Variants in AGBL4 observed in about 807,000 individuals in gnomAD.
AGBL4 encodes AGBL carboxypeptidase 4, also known as cytosolic carboxypeptidase 6.
A neutral mutation model predicts 66.4 loss-of-function variants in AGBL4; 58 were observed. The ratio of observed to expected loss-of-function variants is 0.87; its 90% CI spans 0.71 to 1.09. AGBL4 has a LOEUF of 1.09. Ranked by LOEUF, AGBL4 falls within the 50% of genes least tolerant of loss-of-function variation. The probability of loss-of-function intolerance (pLI) is 0.00; values close to 1 mark genes in which losing one functional copy is unlikely to be tolerated. For missense variants in AGBL4, 579 were observed against 631.0 expected (o/e 0.92, Z 0.88); for synonymous variants, 234 against 222.9 (o/e 1.05, Z -0.44).
At chr1:48,668,192 A>C (rs1482781410) in intron 6 of AGBL4, among the ~76,000 whole-genome samples, 2 of 152,124 alleles carry the variant, frequency 1.3e-5, no homozygotes, top group East Asian at 3.9e-4. Context: ...AGCTGGAGAA[A>C]CAAGACATCG....
At chr1:48,925,283 A>G (rs779168590) in intron 5 of AGBL4, among the ~76,000 whole-genome samples, 12 of 152,082 alleles carry the variant, frequency 7.9e-5, no homozygotes, top group Non-Finnish European at 1.5e-4. Context: ...TTAAAATAGC[A>G]TAGTATTTTG....
intron 1 of AGBL4, among the ~76,000 whole-genome samples, chr1:49,930,902 C>A (rs963311980): frequency 6.6e-6 from 1 of 152,028 alleles, no homozygotes; most frequent in Non-Finnish European, 1.5e-5. Flanking sequence ...GAAATTTGAG[C>A]CAGGTAAATG....
chr1:49,768,910 G>A (rs1369492787), intron 2 of AGBL4, among the ~76,000 whole-genome samples: 2 of 151,622 alleles, frequency 1.3e-5, no homozygotes, highest in African/African-American at 2.4e-5. Flanking sequence ...GTGCAGTGGC[G>A]CGATCTTGGC....
intron 3 of AGBL4, among the ~76,000 whole-genome samples, chr1:49,539,940 G>C (rs1300956636): frequency 6.6e-6 from 1 of 152,134 alleles, no homozygotes; most frequent in African/African-American, 2.4e-5. Context: ...TGTTCATATG[G>C]GGCTCAGAGG....
chr1:49,378,396 G>A (rs1352730263), intron 3 of AGBL4, among the ~76,000 whole-genome samples: 2 of 151,936 alleles, frequency 1.3e-5, no homozygotes, highest in African/African-American at 4.8e-5. Context: ...ATAAATAATA[G>A]TGTCTACCTC....
intron 3 of AGBL4, among the ~76,000 whole-genome samples, chr1:49,559,920 C>G (rs909828733): frequency 9.2e-5 from 14 of 152,110 alleles, no homozygotes; most frequent in Admixed American, 8.5e-4. Context: ...TACATGTATC[C>G]TATTACTTCT....
intron 3 of AGBL4, among the ~76,000 whole-genome samples, chr1:49,413,869 G>T (rs1645371521): frequency 6.6e-6 from 1 of 152,076 alleles, no homozygotes; most frequent in Non-Finnish European, 1.5e-5. Context: ...TCTGTAACAG[G>T]TCATTTTATC....
chr1:48,836,622 A>T (rs1225204777), intron 6 of AGBL4, among the ~76,000 whole-genome samples: 1 of 152,124 alleles, frequency 6.6e-6, no homozygotes, highest in Non-Finnish European at 1.5e-5. Context: ...CAAGAAAACC[A>T]ATAACAAAAA....
At chr1:49,321,361 T>C (rs1182963404) in intron 3 of AGBL4, among the ~76,000 whole-genome samples, 4 of 152,146 alleles carry the variant, frequency 2.6e-5, no homozygotes, top group African/African-American at 9.7e-5. Flanking sequence ...CAGACAACCA[T>C]AAATTAAAAC....
At chr1:48,878,209 A>G (rs1029947763) in intron 5 of AGBL4, among the ~76,000 whole-genome samples, 2 of 152,162 alleles carry the variant, frequency 1.3e-5, no homozygotes, top group African/African-American at 4.8e-5. Context: ...GTTCAATAAC[A>G]TCTTTTTTGG....
At chr1:48,770,898 T>C (rs1448242693) in intron 6 of AGBL4, among the ~76,000 whole-genome samples, 1 of 152,230 alleles carries the variant, frequency 6.6e-6, no homozygotes, top group East Asian at 1.9e-4. Flanking sequence ...TGGACTGAAC[T>C]GACTCATATT....
At chr1:49,573,122 A>G (rs896914476) in intron 3 of AGBL4, among the ~76,000 whole-genome samples, 18 of 148,804 alleles carry the variant, frequency 1.2e-4, no homozygotes, top group African/African-American at 1.5e-4. Context: ...TCATATATAT[A>G]TATGTGTGTC....
At chr1:49,882,880 G>A (rs1286877409) in intron 1 of AGBL4, among the ~76,000 whole-genome samples, 1 of 152,126 alleles carries the variant, frequency 6.6e-6, no homozygotes, top group Non-Finnish European at 1.5e-5. Flanking sequence ...CATTTGGTTG[G>A]TGGAGATTAG....
chr1:49,104,244 A>C (rs768987318), intron 4 of AGBL4, among the ~76,000 whole-genome samples: 1 of 152,132 alleles, frequency 6.6e-6, no homozygotes, highest in Non-Finnish European at 1.5e-5. Context: ...TTGTGTCTCC[A>C]TATCACCCTG....
chr1:48,894,926 A>C (rs1399527496), intron 5 of AGBL4, among the ~76,000 whole-genome samples: 2 of 152,224 alleles, frequency 1.3e-5, no homozygotes, highest in African/African-American at 4.8e-5. Flanking sequence ...TTTATGCTTC[A>C]TCATATTAGC....
chr1:48,954,236 A>G (rs779234563), intron 5 of AGBL4, among the ~76,000 whole-genome samples: 20 of 152,332 alleles, frequency 1.3e-4, no homozygotes, highest in Admixed American at 2.6e-4. Context: ...AAACTGTTCC[A>G]TATGTCAGGT....
chr1:49,654,771 G>T (rs1258469697), intron 3 of AGBL4, among the ~76,000 whole-genome samples: 2 of 152,136 alleles, frequency 1.3e-5, no homozygotes, highest in African/African-American at 4.8e-5. Context: ...CTTTCCATTT[G>T]CTTGGTAGAT....
At chr1:48,733,331 C>A (rs932565590) in intron 6 of AGBL4, among the ~76,000 whole-genome samples, 13 of 152,070 alleles carry the variant, frequency 8.5e-5, no homozygotes, top group African/African-American at 2.9e-4. Flanking sequence ...GAGAGAATCA[C>A]CAGCCCCAAA....
intron 9 of AGBL4, among the ~76,000 whole-genome samples, chr1:48,623,451 CT>C (rs1347309338): frequency 6.6e-6 from 1 of 152,244 alleles, no homozygotes; most frequent in East Asian, 1.9e-4. Flanking sequence ...AGGTTAAACA[CT>C]TCAGTTCTTG....
Sources: allele counts gnomAD v4.1 joint callset (sites outside exome capture counted in the v4.1 genomes callset), GRCh38; gene constraint gnomAD v4.1.1; transcripts MANE v1.5; gene names NCBI Gene and HGNC (gene_info 2026-07-23, HGNC 2026-07-21).